Variants in BEAN1 observed in about 807,000 individuals in gnomAD.
BEAN1 encodes the protein brain expressed associated with NEDD4 1.
BEAN1 carries 17 observed loss-of-function variants against 17.7 expected under a neutral mutation model. The ratio of observed to expected loss-of-function variants is 0.96; its 90% CI spans 0.66 to 1.44. BEAN1 has a LOEUF of 1.44. Among genes scored for constraint, BEAN1 ranks in the 40% most tolerant of loss-of-function variants. BEAN1 has a pLI of 0.00. For synonymous variants in BEAN1, 142 were observed against 151.8 expected, an observed-to-expected ratio of 0.94 and a Z score of 0.47; for missense variants, 359 against 374.1, an observed-to-expected ratio of 0.96 and a Z score of 0.33.
At chr16:66,450,406 T>C (rs1375918870) in intron 2 of BEAN1, among the ~76,000 whole-genome samples, 1 of 152,202 alleles carries the variant, frequency 6.6e-6, no homozygotes, top group Non-Finnish European at 1.5e-5. Context: ...CCTATACTTC[T>C]ACTACTGCAA....
intron 2 of BEAN1, among the ~76,000 whole-genome samples, chr16:66,469,129 C>T (rs1740192493): frequency 1.3e-5 from 2 of 152,228 alleles, no homozygotes; most frequent in African/African-American, 2.4e-5. Context: ...CAGCCCACAG[C>T]CCCAGGCCTG....
intron 4 of BEAN1, among the ~76,000 whole-genome samples, chr16:66,478,329 C>T (rs374478376): frequency 2.6e-5 from 4 of 152,214 alleles, no homozygotes; most frequent in Admixed American, 6.5e-5. Context: ...CCCAGCCGGG[C>T]GTGGGGGCTC....
intron 4 of BEAN1, among the ~76,000 whole-genome samples, chr16:66,489,537 A>G (rs1407944885): frequency 6.6e-6 from 1 of 152,230 alleles, no homozygotes; most frequent in Non-Finnish European, 1.5e-5. Flanking sequence ...GTTCAGGATC[A>G]GATGAGCCCA....
chr16:66,439,479 T>C (rs756697633), intron 2 of BEAN1, among the ~76,000 whole-genome samples: 14 of 152,304 alleles, frequency 9.2e-5, no homozygotes, highest in Non-Finnish European at 1.5e-4. Flanking sequence ...AGGCTGGGGA[T>C]GCTGAGTGCG....
chr16:66,482,675 A>G lies in BEAN1; in HGVS notation c.*1750A>G, dbSNP rs1239830865. ...TTCCAGAGAGTGCTGGGGGAAAAAA[A>G]GGGATAAAAATTCCTACCTACTCAT... On this transcript the variant is annotated 3_prime_UTR_variant, in exon 5 of 5. Transcript: ENST00000536005. The G allele has an allele frequency of 4.1e-5, 15 of 362,362 alleles. No individual in the cohort carries two copies. Among genetic ancestry groups the G allele is most frequent in the Non-Finnish European group, 8.0e-5 (15 of 186,774 alleles). The allele number at this position is 362,362 out of a possible 1,614,324, so 22.4% of individuals were successfully genotyped here.
At chr16:66,469,075 C>T (rs909797779) in intron 2 of BEAN1, among the ~76,000 whole-genome samples, 14 of 151,736 alleles carry the variant, frequency 9.2e-5, no homozygotes, top group African/African-American at 3.1e-4. Flanking sequence ...TCTGGGAAAC[C>T]TTCTCTCATC....
exon 5 of BEAN1, chr16:66,493,178 C>A (rs1422813073): frequency 1.4e-6 from 1 of 703,000 alleles, no homozygotes; most frequent in South Asian, 1.5e-5. Flanking sequence ...CACACGGATG[C>A]TTGAGCCGGG....
At chr16:66,489,976 G>C (rs116004722) in intron 4 of BEAN1, among the ~76,000 whole-genome samples, 1 of 151,946 alleles carries the variant, frequency 6.6e-6, no homozygotes, top group East Asian at 1.9e-4. Flanking sequence ...CAGCTGTGAC[G>C]AGCCCAGGTC....
chr16:66,458,911 C>T (rs1396156861), intron 2 of BEAN1, among the ~76,000 whole-genome samples: 3 of 152,252 alleles, frequency 2.0e-5, no homozygotes, highest in African/African-American at 7.2e-5. Flanking sequence ...CTGCCTTGCA[C>T]AGCAGAGGCC....
At chr16:66,462,312 G>A (rs1327177252) in intron 2 of BEAN1, among the ~76,000 whole-genome samples, 1 of 152,140 alleles carries the variant, frequency 6.6e-6, no homozygotes, top group Non-Finnish European at 1.5e-5. Context: ...AAAATTAGAG[G>A]TTGGCACTTC....
Position 66,471,219 on chromosome 16 carries a change from G to C in BEAN1, c.289+1354G>C, listed in dbSNP as rs549608231. On this transcript the variant is annotated intron_variant, in intron 3 of 4. Coordinates refer to ENST00000536005, the MANE Select transcript of BEAN1 (RefSeq NM_001178020.3). The surrounding 1 kb of genome is among the most constrained non-coding windows in gnomAD (Gnocchi z 4.7). Reference sequence around the variant, plus strand: ...TTCCTGTCCTTTTTCAGAGTTAACTGGTTAAGGAGGGGACTGATGGGTAGC... The same window carrying C: ...TTCCTGTCCTTTTTCAGAGTTAACTCGTTAAGGAGGGGACTGATGGGTAGC... 1.3e-5 allele frequency among the ~76,000 whole-genome samples: 2 copies of C among 152,362 alleles called. No homozygotes were observed. The highest frequency in any genetic ancestry group is 4.8e-5 in the African/African-American group (2 of 41,580).
chr16:66,432,906 G>C lies in BEAN1; in HGVS notation c.-82-4689G>C, dbSNP rs561115574. 2.0e-5 allele frequency among the ~76,000 whole-genome samples: 3 copies of C among 152,236 alleles called. No homozygotes were observed. In the South Asian group the frequency reaches 6.2e-4, roughly 32 times the overall value. On this transcript the variant is annotated intron_variant, in intron 1 of 4. Transcript: ENST00000536005. Reference sequence around the variant, plus strand: ...CTCACCAAGGCTTTCTGCAGCCGCTGTATCTAACCATCTAACAGTGCAATT... The same window carrying C: ...CTCACCAAGGCTTTCTGCAGCCGCTCTATCTAACCATCTAACAGTGCAATT...
At chr16:66,431,660 A>G (rs1017996895) in intron 1 of BEAN1, among the ~76,000 whole-genome samples, 34 of 151,620 alleles carry the variant, frequency 2.2e-4, no homozygotes, top group African/African-American at 7.7e-4. Flanking sequence ...GCACAATTCT[A>G]CAAACTATTG....
intron 3 of BEAN1, among the ~76,000 whole-genome samples, chr16:66,474,607 AGGGAGGGAGGAAGGGAGGGAGGG>A (rs1963643100): frequency 1.0e-4 from 1 of 9,948 alleles, no homozygotes; most frequent in African/African-American, 3.9e-4. Context: ...GGAGGGAGAG[AGGGAGGGAGGAAGGGAGGGAGGG>A]AGGGAGGGAG....
chr16:66,478,608 AT>A lies in BEAN1; in HGVS notation c.440+899del, dbSNP rs569710030. Among the ~76,000 whole-genome samples, 789 of 152,272 alleles carry A rather than the reference AT, an allele frequency of 5.2e-3. 3 individuals carry two copies. The highest frequency in any genetic ancestry group is 0.02 in the Middle Eastern group (6 of 294). ...CAGAGTGAGACTTCGTCTCAAAAAAATAATAATAAAATAATAATAATAATAT... is the reference window on the plus strand; with the variant it reads ...CAGAGTGAGACTTCGTCTCAAAAAAAAATAATAAAATAATAATAATAATAT... On this transcript the variant is annotated intron_variant, in intron 4 of 4. Coordinates refer to ENST00000536005, the MANE Select transcript of BEAN1 (RefSeq NM_001178020.3).
downstream of BEAN1, chr16:66,484,586 C>T (rs901004963): frequency 2.6e-5 from 12 of 453,954 alleles, no homozygotes; most frequent in African/African-American, 1.0e-4. This position sits in a 1 kb window ranked among gnomAD's most constrained non-coding sequence, Gnocchi z 4.2. Flanking sequence ...CATCACAGGA[C>T]GATGGAGACA....
intron 2 of BEAN1, among the ~76,000 whole-genome samples, chr16:66,455,342 A>G (rs2142405934): frequency 6.6e-6 from 1 of 152,320 alleles, no homozygotes; most frequent in South Asian, 2.1e-4. Flanking sequence ...ACCTGCACAT[A>G]CCATAAGTTG....
intron 2 of BEAN1, among the ~76,000 whole-genome samples, chr16:66,451,875 C>T (rs780435266): frequency 1.3e-5 from 2 of 152,190 alleles, no homozygotes; most frequent in Non-Finnish European, 2.9e-5. Context: ...TTTGGCTGCC[C>T]AAGGAAGGTG....
intron 2 of BEAN1, among the ~76,000 whole-genome samples, chr16:66,460,715 G>A (rs542380425): frequency 6.6e-6 from 1 of 152,304 alleles, no homozygotes; most frequent in East Asian, 1.9e-4. Flanking sequence ...GGGGAGAAGA[G>A]CATTCTCCCT....
Sources: allele counts gnomAD v4.1 joint callset (sites outside exome capture counted in the v4.1 genomes callset), GRCh38; gene constraint gnomAD v4.1.1; non-coding constraint Gnocchi (gnomAD v3.1); transcripts MANE v1.5; gene names NCBI Gene and HGNC (gene_info 2026-07-23, HGNC 2026-07-21).